Variants in PIK3CA observed in about 807,000 individuals in gnomAD.
The protein encoded by PIK3CA is phosphatidylinositol 4,5-bisphosphate 3-kinase catalytic subunit alpha isoform.
A neutral mutation model predicts 138.2 loss-of-function variants in PIK3CA; 27 were observed. The ratio of observed to expected loss-of-function variants is 0.20; its 90% CI spans 0.14 to 0.27. PIK3CA has a LOEUF of 0.27. PIK3CA is among the 10% of genes least tolerant of loss of function. The pLI is 1.00. For missense variants in PIK3CA, 544 were observed against 1,277.4 expected (o/e 0.43, Z 8.75); for synonymous variants, 358 against 413.2 (o/e 0.87, Z 1.62).
rs1036099987 is a variant in PIK3CA, at chr3:179,199,955, G to T, written c.562+56G>T. Reference sequence around the variant, plus strand: ...TACTATAGTGCAGTCTTCTACCTGTGTCTATATCTTTGTATAGTCTTTTTT... The same window carrying T: ...TACTATAGTGCAGTCTTCTACCTGTTTCTATATCTTTGTATAGTCTTTTTT... On this transcript the variant is annotated intron_variant, in intron 3 of 20. Transcript: ENST00000263967. 1.6e-5 allele frequency: 17 copies of T among 1,068,586 alleles called. No individual in the cohort carries two copies. The South Asian group carries it at 1.8e-4, about 12-fold the overall frequency. The allele number at this position is 1,068,586 out of a possible 1,614,324, so 66.2% of individuals were successfully genotyped here. A position where few individuals can be genotyped will look rare whatever the true frequency, so the allele number is the denominator to read the frequency against.
chr3:179,152,687 T>C (rs1391025747), intron 1 of PIK3CA, among the ~76,000 whole-genome samples: 1 of 152,152 alleles, frequency 6.6e-6, no homozygotes, highest in Admixed American at 6.5e-5. Flanking sequence ...AGTGGACTTA[T>C]CTGAGATAAC....
At chr3:179,217,460 A>G (rs1307318783) in intron 9 of PIK3CA, among the ~76,000 whole-genome samples, 1 of 152,110 alleles carries the variant, frequency 6.6e-6, no homozygotes, top group Non-Finnish European at 1.5e-5. Flanking sequence ...CTGCTGAATA[A>G]GTTAACAGCA....
At chr3:179,198,169 A>G (rs1379438840) in intron 1 of PIK3CA, among the ~76,000 whole-genome samples, 1 of 152,246 alleles carries the variant, frequency 6.6e-6, no homozygotes, top group Admixed American at 6.5e-5. Context: ...ATAAGAATCA[A>G]TACAAAAAGA....
At chr3:179,190,072 C>G (rs1158814497) in intron 1 of PIK3CA, among the ~76,000 whole-genome samples, 2 of 152,148 alleles carry the variant, frequency 1.3e-5, no homozygotes, top group Non-Finnish European at 2.9e-5. Flanking sequence ...TGCATCTCCA[C>G]TATAGTAAAA....
chr3:179,171,722 A>C (rs1723563617), intron 1 of PIK3CA, among the ~76,000 whole-genome samples: 1 of 152,182 alleles, frequency 6.6e-6, no homozygotes, highest in Non-Finnish European at 1.5e-5. Flanking sequence ...ACCTATATAG[A>C]GTAAATAAAT....
intron 1 of PIK3CA, among the ~76,000 whole-genome samples, chr3:179,170,076 G>GCGCGCACA (rs1553815527): frequency 1.6e-4 from 22 of 139,292 alleles, no homozygotes; most frequent in Non-Finnish European, 2.4e-4. Flanking sequence ...ACGCGCGCGC[G>GCGCGCACA]CACACACACA....
intron 1 of PIK3CA, among the ~76,000 whole-genome samples, chr3:179,169,469 G>A (rs1723496947): frequency 6.6e-6 from 1 of 151,972 alleles, no homozygotes; most frequent in Non-Finnish European, 1.5e-5. Context: ...GTGTTACTTG[G>A]GAGCATTTTA....
intron 1 of PIK3CA, among the ~76,000 whole-genome samples, chr3:179,176,052 T>C (rs1723689999): frequency 6.6e-6 from 1 of 152,228 alleles, no homozygotes; most frequent in Admixed American, 6.5e-5. Flanking sequence ...TTGAATCCTT[T>C]CCAGAGGAAA....
At chr3:179,172,208 CTT>C (rs1323715831) in intron 1 of PIK3CA, among the ~76,000 whole-genome samples, 1 of 151,904 alleles carries the variant, frequency 6.6e-6, no homozygotes, top group Non-Finnish European at 1.5e-5. Context: ...AATAAAAACT[CTT>C]AGCAAGCTAG....
chr3:179,223,632 A>C (rs1406476178), intron 14 of PIK3CA, among the ~76,000 whole-genome samples: 1 of 152,150 alleles, frequency 6.6e-6, no homozygotes. Context: ...CAGATCAGCA[A>C]GTTTTCTTAA....
At chr3:179,164,827 C>T (rs1199580112) in intron 1 of PIK3CA, among the ~76,000 whole-genome samples, 3 of 151,882 alleles carry the variant, frequency 2.0e-5, no homozygotes, top group African/African-American at 7.3e-5. Context: ...CAAGATTGCG[C>T]CATTGTACTC....
At chr3:179,200,009 T>C (rs1447564343) in intron 3 of PIK3CA, 110 bp downstream of exon 3, 5 of 638,188 alleles carry the variant, frequency 7.8e-6, no homozygotes, top group South Asian at 2.2e-5. Context: ...GTAAGCTTCT[T>C]GAAGGCAGGG....
intron 1 of PIK3CA, among the ~76,000 whole-genome samples, chr3:179,176,924 A>G (rs1010893729): frequency 1.3e-5 from 2 of 152,216 alleles, no homozygotes; most frequent in East Asian, 3.8e-4. Context: ...CATTCCTACC[A>G]ACAATCTGAG....
intron 6 of PIK3CA, 97 bp from the exon 7 acceptor site, chr3:179,209,498 T>C (rs370952249): frequency 2.2e-4 from 138 of 633,858 alleles, no homozygotes; most frequent in East Asian, 2.1e-3. Context: ...TGTTTTTCGT[T>C]TGGTTGATCT....
chr3:179,148,588 T>C lies in PIK3CA; in HGVS notation c.-92T>C, dbSNP rs1211843130. On this transcript the variant is annotated 5_prime_UTR_variant, in exon 1 of 21. Transcript: ENST00000263967. ...CCGATGCGGTTAGAGCCGCGGAGCC[T>C]GGAAGAGCCCCGAGCGTGAGTAGAG... is the stretch of plus-strand genomic sequence containing the variant. The C allele has an allele frequency of 2.0e-5, 3 of 151,874 alleles. No individual in the cohort carries two copies. Among genetic ancestry groups the C allele is most frequent in the Non-Finnish European group, 4.4e-5 (3 of 68,090 alleles). 9.4% of individuals were successfully genotyped at this position (151,874 alleles called of 1,614,324 possible).
At chr3:179,149,335 C>G (rs963689849) in intron 1 of PIK3CA, among the ~76,000 whole-genome samples, 15 of 152,062 alleles carry the variant, frequency 9.9e-5, no homozygotes, top group African/African-American at 3.6e-4. Context: ...TAGGGTAGGG[C>G]CCGGGATTGG....
intron 1 of PIK3CA, among the ~76,000 whole-genome samples, chr3:179,161,731 C>T (rs1723286437): frequency 6.6e-6 from 1 of 152,040 alleles, no homozygotes; most frequent in Non-Finnish European, 1.5e-5. Flanking sequence ...AACAGAAAGT[C>T]CAGTGGTCAC....
At chr3:179,170,054 A>G (rs1247902032) in intron 1 of PIK3CA, among the ~76,000 whole-genome samples, 2 of 131,040 alleles carry the variant, frequency 1.5e-5, no homozygotes, top group African/African-American at 6.1e-5. Flanking sequence ...AGACATGCAC[A>G]TGCGCGTGCA....
chr3:179,236,398 T>C lies in PIK3CA; in HGVS notation c.*2034T>C, dbSNP rs373238783. Reference sequence around the variant, plus strand: ...AGATTTCATAACTTATTAAAACTTATTAACATTTTGTGTTGTTTAGATATA... The same window carrying C: ...AGATTTCATAACTTATTAAAACTTACTAACATTTTGTGTTGTTTAGATATA... On this transcript the variant is annotated 3_prime_UTR_variant, in exon 21 of 21. Transcript: ENST00000263967. The C allele has an allele frequency of 1.9e-5, 4 of 211,782 alleles. No individual in the cohort carries two copies. The highest frequency in any genetic ancestry group is 7.1e-5 in the East Asian group (1 of 14,040). The allele number at this position is 211,782 out of a possible 1,614,324, so 13.1% of individuals were successfully genotyped here.
Sources: allele counts gnomAD v4.1 joint callset (sites outside exome capture counted in the v4.1 genomes callset), GRCh38; gene constraint gnomAD v4.1.1; transcripts MANE v1.5; gene names NCBI Gene and HGNC (gene_info 2026-07-23, HGNC 2026-07-21).